Variants in RGS22 observed in about 807,000 individuals in gnomAD.
RGS22 encodes the protein regulator of G-protein signaling 22.
A neutral mutation model predicts 172.9 loss-of-function variants in RGS22; 148 were observed. The observed-to-expected ratio is 0.86, with a 90% confidence interval of 0.75 to 0.98. RGS22 has a LOEUF of 0.98. Ranked by LOEUF, RGS22 falls within the 50% of genes least tolerant of loss-of-function variation. The pLI, the probability that RGS22 is intolerant of heterozygous loss-of-function variation, is 0.00. For missense variants in RGS22, 1,347 were observed against 1,440.8 expected, an observed-to-expected ratio of 0.93 and a Z score of 1.05; for synonymous variants, 458 against 480.2, an observed-to-expected ratio of 0.95 and a Z score of 0.60.
At chr8:100,071,069 G>C (rs893503122) in intron 6 of RGS22, among the ~76,000 whole-genome samples, 3 of 152,240 alleles carry the variant, frequency 2.0e-5, no homozygotes, top group Admixed American at 6.5e-5. Context: ...GATTCCTTGA[G>C]CCTAGGAGTT....
At chr8:100,017,197 C>G (rs1392384826) in intron 14 of RGS22, among the ~76,000 whole-genome samples, 2 of 151,902 alleles carry the variant, frequency 1.3e-5, no homozygotes, top group East Asian at 3.9e-4. Flanking sequence ...TGGTCTCAAA[C>G]TCCTAGGCTC....
At chr8:99,987,379 T>C in intron 21 of RGS22, 79 bp downstream of exon 21, 1 of 1,114,398 alleles carries the variant, frequency 9.0e-7, no homozygotes, top group Non-Finnish European at 1.3e-6. Context: ...ATCTTGTGCA[T>C]AAAGTTAGTT....
Position 100,006,419 on chromosome 8 carries a change from T to C in RGS22, c.2362-310A>G, listed in dbSNP as rs576715376. On this transcript the variant is annotated intron_variant, in intron 15 of 27. Coordinates refer to ENST00000360863, the MANE Select transcript of RGS22 (RefSeq NM_015668.5). The stretch of plus-strand genomic sequence containing the variant: ...GCTTCTATTCAATATAACTTGATAA[T>C]AGTCATGAAAGCAGATGCCACTAGC... 5.3e-5 allele frequency among the ~76,000 whole-genome samples: 8 copies of C among 152,304 alleles called. No individual in the cohort carries two copies. In the South Asian group the frequency reaches 1.7e-3, roughly 32 times the overall value.
chr8:100,037,573 ATAAT>A (rs1819637461), intron 14 of RGS22, among the ~76,000 whole-genome samples: 1 of 152,186 alleles, frequency 6.6e-6, no homozygotes, highest in Non-Finnish European at 1.5e-5. Flanking sequence ...TTTATTACTA[ATAAT>A]TAACAAGTCA....
In RGS22 at chr8:99,961,042, C is replaced by A; in HGVS notation, c.*200G>T. 2.8e-6 allele frequency: 1 copy of A among 354,262 alleles called. No individual in the cohort carries two copies. 21.9% of individuals were successfully genotyped at this position (354,262 alleles called of 1,614,324 possible). A position where few individuals can be genotyped will look rare whatever the true frequency, so the allele number is the denominator to read the frequency against. On this transcript the variant is annotated 3_prime_UTR_variant, in exon 28 of 28. Coordinates refer to ENST00000360863, the MANE Select transcript of RGS22 (RefSeq NM_015668.5). ...CAGAATAGCTATAATTTTAAAACTGCGAGAGTAAGACAAGCCAAATTTTCT... is the reference window on the plus strand; with the variant it reads ...CAGAATAGCTATAATTTTAAAACTGAGAGAGTAAGACAAGCCAAATTTTCT...
At chr8:100,097,931 T>C (rs1813111019) in intron 2 of RGS22, among the ~76,000 whole-genome samples, 1 of 152,230 alleles carries the variant, frequency 6.6e-6, no homozygotes, top group Admixed American at 6.5e-5. Flanking sequence ...AAAGGGCTTA[T>C]GGTGAAAGCA....
chr8:99,968,954 G>A (rs901556193), intron 23 of RGS22, among the ~76,000 whole-genome samples: 4 of 152,024 alleles, frequency 2.6e-5, no homozygotes, highest in African/African-American at 4.8e-5. Flanking sequence ...TGAAATGAAG[G>A]AAAAAATATT....
Position 100,002,197 on chromosome 8 carries a change from G to A in RGS22, c.2790+5C>T, listed in dbSNP as rs1444777978. The A allele has an allele frequency of 1.3e-6, 2 of 1,546,642 alleles. No homozygotes were observed. The highest frequency in any genetic ancestry group is 1.7e-6 in the Non-Finnish European group (2 of 1,153,260). ...AATTAAAAAAATAGGTTTGCATGTT[G>A]ATACCTGGTTCTGCTGATACAGAGA... On this transcript the variant is annotated splice_donor_5th_base_variant and intron_variant, in intron 18 of 27. Transcript: ENST00000360863.
chr8:100,090,792 C>G (rs1331553815), intron 3 of RGS22, among the ~76,000 whole-genome samples: 2 of 151,946 alleles, frequency 1.3e-5, no homozygotes, highest in Non-Finnish European at 1.5e-5. Flanking sequence ...GAAAGTCAGT[C>G]AGGTTGGAAA....
intron 9 of RGS22, among the ~76,000 whole-genome samples, chr8:100,058,096 C>T (rs750784545): frequency 6.7e-6 from 1 of 149,956 alleles, no homozygotes; most frequent in Non-Finnish European, 1.5e-5. Flanking sequence ...GTATCAGAGT[C>T]TTAACAGCAT....
At chr8:99,963,309 G>A (rs1810404087) in intron 24 of RGS22, among the ~76,000 whole-genome samples, 2 of 152,154 alleles carry the variant, frequency 1.3e-5, no homozygotes, top group African/African-American at 4.8e-5. Context: ...AGGTGGGAAC[G>A]TGAGGGTGGT....
chr8:100,073,057 TACTC>T (rs771946670), intron 4 of RGS22, among the ~76,000 whole-genome samples: 4 of 152,222 alleles, frequency 2.6e-5, no homozygotes, highest in Non-Finnish European at 4.4e-5. Context: ...CTAAAATACT[TACTC>T]ACTCTTGATT....
chr8:100,098,304 A>G (rs1813141022), intron 2 of RGS22, among the ~76,000 whole-genome samples: 2 of 152,224 alleles, frequency 1.3e-5, no homozygotes, highest in Non-Finnish European at 2.9e-5. Context: ...CATGAAACCT[A>G]AAGAGAAAAG....
intron 14 of RGS22, among the ~76,000 whole-genome samples, chr8:100,032,387 C>G (rs1021206521): frequency 2.0e-5 from 3 of 152,080 alleles, no homozygotes; most frequent in Non-Finnish European, 4.4e-5. Context: ...ATAAAACAGA[C>G]TTTAAACCAA....
chr8:100,035,335 C>T (rs1432273876), intron 14 of RGS22, among the ~76,000 whole-genome samples: 1 of 152,200 alleles, frequency 6.6e-6, no homozygotes, highest in Non-Finnish European at 1.5e-5. Context: ...GACATCTATG[C>T]AGCCAAAAGA....
chr8:99,982,145 A>G (rs372576449), intron 21 of RGS22, 29 bp from the exon 22 acceptor site: 12 of 1,529,074 alleles, frequency 7.8e-6, no homozygotes, highest in Admixed American at 1.9e-5. Context: ...AGAATGGTAT[A>G]TAATTAATGC....
chr8:100,006,596 T>G (rs541140743), intron 15 of RGS22, among the ~76,000 whole-genome samples: 2 of 152,344 alleles, frequency 1.3e-5, no homozygotes, highest in African/African-American at 4.8e-5. Flanking sequence ...GAGTTTGTAA[T>G]GTACTACTTC....
chr8:100,026,283 A>C (rs1818165422), intron 14 of RGS22, among the ~76,000 whole-genome samples: 1 of 152,236 alleles, frequency 6.6e-6, no homozygotes. Flanking sequence ...GACTGAAATG[A>C]CCTAGGGCCA....
intron 18 of RGS22, among the ~76,000 whole-genome samples, chr8:100,001,395 C>A (rs1815075985): frequency 6.6e-6 from 1 of 151,598 alleles, no homozygotes; most frequent in African/African-American, 2.4e-5. Flanking sequence ...TGCCACCACA[C>A]CTGGCTAAGT....
Sources: gnomAD v4.1 joint callset for allele counts (sites outside exome capture counted in the v4.1 genomes callset) on GRCh38, gnomAD v4.1.1 for gene constraint, MANE v1.5 for transcripts, NCBI Gene and HGNC (gene_info 2026-07-23, HGNC 2026-07-21) for gene names.